Variants in DMXL2 observed in about 807,000 individuals in gnomAD.
The protein encoded by DMXL2 is dmX-like protein 2.
Under a neutral mutation model 331.1 loss-of-function variants are expected in DMXL2, and 103 were observed. The observed-to-expected ratio is 0.31, with a 90% CI of 0.27 to 0.37. The LOEUF is 0.37. Among genes scored for constraint, DMXL2 ranks in the 10% least tolerant of loss-of-function variants. The pLI is 1.00. For missense variants in DMXL2, 3,171 were observed against 3,642.9 expected (o/e 0.87, Z 3.33); for synonymous variants, 1,281 against 1,252.1 (o/e 1.02, Z -0.49).
chr15:51,473,329 T>A (rs975345417), intron 28 of DMXL2, among the ~76,000 whole-genome samples: 4 of 152,244 alleles, frequency 2.6e-5, no homozygotes, highest in African/African-American at 9.6e-5. Flanking sequence ...TATTAATATG[T>A]ACTGGCAGGT....
chr15:51,511,504 C>T (rs1164804264), intron 15 of DMXL2, among the ~76,000 whole-genome samples: 1 of 152,170 alleles, frequency 6.6e-6, no homozygotes, highest in African/African-American at 2.4e-5. Context: ...CATCTCATGC[C>T]AGTTAGGATG....
chr15:51,496,651 G>C (rs2043199311), intron 18 of DMXL2, among the ~76,000 whole-genome samples: 1 of 152,200 alleles, frequency 6.6e-6, no homozygotes, highest in Non-Finnish European at 1.5e-5. Context: ...GAGGTAAAAA[G>C]AATAAAGCAG....
At chr15:51,573,312 G>A (rs1280690819) in intron 2 of DMXL2, among the ~76,000 whole-genome samples, 1 of 152,166 alleles carries the variant, frequency 6.6e-6, no homozygotes, top group East Asian at 1.9e-4. Flanking sequence ...TCTAGAACCA[G>A]AAATACCATT....
intron 6 of DMXL2, among the ~76,000 whole-genome samples, chr15:51,550,206 C>G (rs548415272): frequency 1.3e-5 from 2 of 152,142 alleles, no homozygotes; most frequent in East Asian, 3.9e-4. Flanking sequence ...GCAGAAAAAG[C>G]ACTTGACAAA....
In DMXL2 at chr15:51,459,782, C is replaced by T. The variant is rs537523723; in HGVS notation, c.7927-122G>A. 15 of 1,203,972 alleles carry T rather than the reference C, an allele frequency of 1.2e-5. No homozygotes were observed. In the South Asian group the frequency reaches 1.8e-4, roughly 14 times the overall value. 74.6% of individuals were successfully genotyped at this position (1,203,972 alleles called of 1,614,324 possible). On this transcript the variant is annotated intron_variant, in intron 33 of 43. Coordinates refer to ENST00000560891, the MANE Select transcript of DMXL2 (RefSeq NM_001378457.1). ...CTTAAAGATGATAAAAATGAATTTG[C>T]AAAATCAAGAAAAAATTAAACCGAA...
At chr15:51,607,143 G>A (rs1379489778) in intron 1 of DMXL2, among the ~76,000 whole-genome samples, 2 of 149,356 alleles carry the variant, frequency 1.3e-5, no homozygotes, top group Admixed American at 6.7e-5. Context: ...CTGGGTGACA[G>A]AGTGAGACTC....
Position 51,480,048 on chromosome 15 carries a change from A to G in DMXL2, c.6656T>C (p.Ile2219Thr). ...ATTTAAGTACAATACAGGATTAGCT[A>G]TGACTGTTTTTGTTGACGCAATACT... ...SASIASTKTV[I>T]ANPVLYLNNH... Residue 2219 changes from isoleucine (I) to threonine (T), a missense_variant, in exon 25 of 44, where the codon ATA becomes ACA. Physicochemically the swap from Ile to Thr is moderately conservative, Grantham distance 89. This residue lies in a region of DMXL2 where 197 missense variants were observed against 196.2 expected (regional missense o/e 1.00). Coordinates refer to ENST00000560891, the MANE Select transcript of DMXL2 (RefSeq NM_001378457.1). The G allele has an allele frequency of 6.2e-7, 1 of 1,604,002 alleles. No homozygotes were observed. The highest frequency in any genetic ancestry group is 8.5e-7 in the Non-Finnish European group (1 of 1,172,114).
intron 2 of DMXL2, among the ~76,000 whole-genome samples, chr15:51,572,328 G>A (rs1265213699): frequency 1.3e-5 from 2 of 149,252 alleles, no homozygotes; most frequent in African/African-American, 4.9e-5. Flanking sequence ...AGGACCAGAT[G>A]GATTCACAGC....
At chr15:51,563,669 T>C (rs1417405202) in intron 5 of DMXL2, among the ~76,000 whole-genome samples, 2 of 152,134 alleles carry the variant, frequency 1.3e-5, no homozygotes, top group East Asian at 1.9e-4. Flanking sequence ...GTAAGTAACA[T>C]GAATACAGTA....
intron 33 of DMXL2, 166 bp from the exon 34 acceptor site, chr15:51,459,826 A>C: frequency 8.5e-7 from 1 of 1,179,474 alleles, no homozygotes; most frequent in South Asian, 1.6e-5. Context: ...TCATCAAATA[A>C]ACACAACACA....
chr15:51,569,583 G>T (rs1349517619), intron 2 of DMXL2, among the ~76,000 whole-genome samples: 1 of 152,142 alleles, frequency 6.6e-6, no homozygotes, highest in Non-Finnish European at 1.5e-5. Context: ...GGAGAGCTCT[G>T]CCCGGCATCT....
chr15:51,453,732 A>G (rs1195351544), intron 40 of DMXL2, 91 bp from the exon 41 acceptor site: 3 of 993,574 alleles, frequency 3.0e-6, no homozygotes, highest in Non-Finnish European at 4.6e-6. Flanking sequence ...AACATACTAT[A>G]TGCATGAGCT....
intron 16 of DMXL2, among the ~76,000 whole-genome samples, chr15:51,504,112 A>T (rs1266222818): frequency 6.6e-6 from 1 of 152,186 alleles, no homozygotes; most frequent in Non-Finnish European, 1.5e-5. Flanking sequence ...CTAACCACAG[A>T]GACACTGATT....
chr15:51,514,563 C>T lies in DMXL2; in HGVS notation c.2527-4G>A. On this transcript the variant is annotated splice_region_variant and splice_polypyrimidine_tract_variant and intron_variant, in intron 14 of 43. Transcript: ENST00000560891. ...GCAACTGTGTATTTGAGCCACACTA[C>T]AAATACAAAAAAAAATGAAGAGGTT... 1.3e-6 allele frequency: 2 copies of T among 1,534,742 alleles called. No homozygotes were observed. Among genetic ancestry groups the T allele is most frequent in the Non-Finnish European group, 1.8e-6 (2 of 1,127,938 alleles).
intron 10 of DMXL2, 145 bp from the exon 11 acceptor site, chr15:51,537,904 G>T: frequency 2.0e-6 from 2 of 1,023,978 alleles, no homozygotes; most frequent in Non-Finnish European, 2.7e-6. Context: ...ACTTTTGTCT[G>T]AATTGAATGT....
At chr15:51,561,843 A>G (rs2049991109) in intron 6 of DMXL2, among the ~76,000 whole-genome samples, 1 of 152,222 alleles carries the variant, frequency 6.6e-6, no homozygotes, top group Non-Finnish European at 1.5e-5. Context: ...GTGGAATACT[A>G]TTTGGCTGTA....
At chr15:51,596,224 G>A (rs1196594663) in intron 1 of DMXL2, among the ~76,000 whole-genome samples, 1 of 151,980 alleles carries the variant, frequency 6.6e-6, no homozygotes, top group Non-Finnish European at 1.5e-5. Flanking sequence ...AAATCTACAA[G>A]AAAAAAACAA....
Position 51,498,577 on chromosome 15 carries a change from A to G in DMXL2, c.4647T>C (p.Asp1549=). The change falls in exon 18 of 44, where the codon GAT becomes GAC. Residue 1549 remains aspartate, a synonymous_variant. Coordinates refer to ENST00000560891, the MANE Select transcript of DMXL2 (RefSeq NM_001378457.1). ...DTVATTSTEL[D]ESRDKSCSGR... The stretch of plus-strand genomic sequence containing the variant: ...CTGAGCAACTCTTATCTCTGCTTTC[A>G]TCAAGCTCAGTACTAGTAGTAGCCA... The G allele has an allele frequency of 2.5e-6, 4 of 1,612,188 alleles. No individual in the cohort carries two copies. The highest frequency in any genetic ancestry group is 3.4e-6 in the Non-Finnish European group (4 of 1,179,392).
chr15:51,495,141 T>A lies in DMXL2; in HGVS notation c.4673-7A>T. On this transcript the variant is annotated splice_region_variant and splice_polypyrimidine_tract_variant and intron_variant, in intron 18 of 43. Coordinates refer to ENST00000560891, the MANE Select transcript of DMXL2 (RefSeq NM_001378457.1). ...TCATCTAATGTATCTCTTCCTGTAATTTAAACAGGAAATATGTTTAAGGAA... is the reference window on the plus strand; with the variant it reads ...TCATCTAATGTATCTCTTCCTGTAAATTAAACAGGAAATATGTTTAAGGAA... The A allele has an allele frequency of 6.4e-7, 1 of 1,571,376 alleles. No homozygotes were observed. The highest frequency in any genetic ancestry group is 8.8e-7 in the Non-Finnish European group (1 of 1,142,242).
Sources: allele counts gnomAD v4.1 joint callset (sites outside exome capture counted in the v4.1 genomes callset), GRCh38; gene constraint gnomAD v4.1.1; regional missense constraint gnomAD v4.1.1; transcripts MANE v1.5; gene names NCBI Gene and HGNC (gene_info 2026-07-23, HGNC 2026-07-21).